Variants in ATP9B observed in about 807,000 individuals in gnomAD.
ATP9B encodes probable phospholipid-transporting ATPase IIB.
A neutral mutation model predicts 146.1 loss-of-function variants in ATP9B; 110 were observed. The observed-to-expected ratio is 0.75, with a 90% CI of 0.65 to 0.88. The LOEUF is 0.88. ATP9B is among the 40% of genes least tolerant of loss of function. ATP9B has a pLI of 0.00. For synonymous variants in ATP9B, 604 were observed against 569.7 expected, an observed-to-expected ratio of 1.06 and a Z score of -0.86; for missense variants, 1,499 against 1,496.4, an observed-to-expected ratio of 1.00 and a Z score of -0.03.
At chr18:79,373,263 T>C (rs1441275770) in intron 27 of ATP9B, among the ~76,000 whole-genome samples, 1 of 149,402 alleles carries the variant, frequency 6.7e-6, no homozygotes, top group African/African-American at 2.4e-5. Flanking sequence ...AAATGGGAGA[T>C]TGTTGCAAGT....
chr18:79,329,244 G>A lies in ATP9B; in HGVS notation c.1877G>A (p.Cys626Tyr). ...CCCAGTGGCCAGGTCCTCAGCTTCT[G>A]CATTCTGCAGCTGTTTCCCTTCACC... ...KTPSGQVLSF[C>Y]ILQLFPFTSE... is the part of the protein sequence containing the mutation. The change falls in exon 16 of 30, where the codon TGC (cysteine) becomes TAC (tyrosine). Residue 626 changes from cysteine (C) to tyrosine (Y), a missense_variant. Physicochemically the swap from Cys to Tyr is radical, Grantham distance 194. Coordinates refer to ENST00000426216, the MANE Select transcript of ATP9B (RefSeq NM_198531.5). 1 of 1,612,746 alleles carries A rather than the reference G, an allele frequency of 6.2e-7. No individual in the cohort carries two copies. Among genetic ancestry groups the A allele is most frequent in the Non-Finnish European group, 8.5e-7 (1 of 1,179,712 alleles).
intron 13 of ATP9B, among the ~76,000 whole-genome samples, chr18:79,283,124 A>G (rs1413799149): frequency 1.3e-5 from 2 of 152,176 alleles, no homozygotes; most frequent in Non-Finnish European, 2.9e-5. Flanking sequence ...TTTGTATTCC[A>G]TATTTTAGTC....
At chr18:79,320,241 G>A (rs1489101686) in intron 15 of ATP9B, among the ~76,000 whole-genome samples, 1 of 152,218 alleles carries the variant, frequency 6.6e-6, no homozygotes, top group East Asian at 1.9e-4. Flanking sequence ...GGGAACTGAG[G>A]TTCTGGGAGG....
intron 11 of ATP9B, among the ~76,000 whole-genome samples, chr18:79,242,403 G>A (rs1181054086): frequency 6.6e-6 from 1 of 152,184 alleles, no homozygotes; most frequent in African/African-American, 2.4e-5. Context: ...CCGCAAACGA[G>A]AAAGATGTGT....
intron 4 of ATP9B, among the ~76,000 whole-genome samples, chr18:79,120,885 CTT>C (rs1351677979): frequency 6.6e-6 from 1 of 152,200 alleles, no homozygotes; most frequent in African/African-American, 2.4e-5. Flanking sequence ...TTCATCCACT[CTT>C]TTCTCGTGTG....
At chr18:79,097,085 G>GATCCC (rs890772986) in intron 2 of ATP9B, among the ~76,000 whole-genome samples, 15 of 151,538 alleles carry the variant, frequency 9.9e-5, no homozygotes, top group Middle Eastern at 3.4e-3. Context: ...TTGAACCTGG[G>GATCCC]AGGTGGAGGT....
At chr18:79,136,882 A>G (rs1431357444) in intron 5 of ATP9B, among the ~76,000 whole-genome samples, 1 of 152,218 alleles carries the variant, frequency 6.6e-6, no homozygotes, top group Non-Finnish European at 1.5e-5. Context: ...CCTTCTTCAC[A>G]TGGTGGCAGC....
At chr18:79,341,925 T>A (rs887231641) in intron 19 of ATP9B, among the ~76,000 whole-genome samples, 4 of 152,210 alleles carry the variant, frequency 2.6e-5, no homozygotes, top group Non-Finnish European at 5.9e-5. Context: ...CCCCTTCCCC[T>A]AAACCCTGGC....
intron 13 of ATP9B, among the ~76,000 whole-genome samples, chr18:79,277,562 T>G (rs2096326236): frequency 6.6e-6 from 1 of 152,210 alleles, no homozygotes; most frequent in Non-Finnish European, 1.5e-5. Context: ...AGAATGATAC[T>G]TGTGAGCTAT....
intron 17 of ATP9B, among the ~76,000 whole-genome samples, chr18:79,331,183 T>G (rs1454633304): frequency 6.6e-6 from 1 of 152,080 alleles, no homozygotes; most frequent in Non-Finnish European, 1.5e-5. Flanking sequence ...GAATTCAGAG[T>G]CTCTCCTCCC....
chr18:79,333,885 T>C (rs1165799082), intron 17 of ATP9B, among the ~76,000 whole-genome samples: 2 of 152,206 alleles, frequency 1.3e-5, no homozygotes, highest in African/African-American at 4.8e-5. Flanking sequence ...ACAGGAGCTT[T>C]GTAAACATGG....
At chr18:79,265,445 G>A (rs946731807) in intron 12 of ATP9B, among the ~76,000 whole-genome samples, 21 of 152,150 alleles carry the variant, frequency 1.4e-4, no homozygotes, top group African/African-American at 4.1e-4. Context: ...CGCCTGGCCC[G>A]ATGTTGAGCT....
chr18:79,154,971 T>C (rs1291116560), intron 7 of ATP9B, among the ~76,000 whole-genome samples: 1 of 152,270 alleles, frequency 6.6e-6, no homozygotes, highest in Non-Finnish European at 1.5e-5. Context: ...AAAATAATCC[T>C]TTCAGGACCT....
chr18:79,239,825 C>T lies in ATP9B; in HGVS notation c.1108-13556C>T, dbSNP rs1382082881. On this transcript the variant is annotated intron_variant, in intron 11 of 29. Coordinates refer to ENST00000426216, the MANE Select transcript of ATP9B (RefSeq NM_198531.5). The surrounding 1 kb of genome is among the most constrained non-coding windows in gnomAD (Gnocchi z 5.1). ...GGTTGATCATCAGTTAATTATTACA[C>T]GGAGGCGTTACTGAAGAGGCATCTG... Among the ~76,000 whole-genome samples, 3 of 152,194 alleles carry T rather than the reference C, an allele frequency of 2.0e-5. No individual in the cohort carries two copies. Among genetic ancestry groups the T allele is most frequent in the Non-Finnish European group, 4.4e-5 (3 of 68,040 alleles).
chr18:79,238,942 G>A (rs2095866294), intron 11 of ATP9B, among the ~76,000 whole-genome samples: 1 of 152,210 alleles, frequency 6.6e-6, no homozygotes, highest in Non-Finnish European at 1.5e-5. Flanking sequence ...CAGGTCAAAG[G>A]AGAAATAGGT....
chr18:79,133,746 G>T (rs1017257428), intron 5 of ATP9B, among the ~76,000 whole-genome samples: 10 of 152,162 alleles, frequency 6.6e-5, no homozygotes, highest in Non-Finnish European at 1.5e-4. Flanking sequence ...AGATGTGTGT[G>T]CTACCTCTAG....
At chr18:79,161,522 A>G (rs1033925804) in intron 7 of ATP9B, among the ~76,000 whole-genome samples, 2 of 152,074 alleles carry the variant, frequency 1.3e-5, no homozygotes, top group African/African-American at 4.8e-5. Context: ...TCAAATTTAA[A>G]TTGTTAAAAT....
chr18:79,225,499 G>T (rs1489118799), intron 11 of ATP9B, among the ~76,000 whole-genome samples: 1 of 152,236 alleles, frequency 6.6e-6, no homozygotes, highest in African/African-American at 2.4e-5. Flanking sequence ...CCTCTACCAT[G>T]TCTTCATCAT....
chr18:79,244,786 A>T (rs1325219561), intron 11 of ATP9B, among the ~76,000 whole-genome samples: 1 of 152,210 alleles, frequency 6.6e-6, no homozygotes, highest in African/African-American at 2.4e-5. Context: ...TTCAGTGTGT[A>T]CTATTAGAAA....
Sources: allele counts gnomAD v4.1 joint callset (sites outside exome capture counted in the v4.1 genomes callset), GRCh38; gene constraint gnomAD v4.1.1; non-coding constraint Gnocchi (gnomAD v3.1); transcripts MANE v1.5; gene names NCBI Gene and HGNC (gene_info 2026-07-23, HGNC 2026-07-21).